Variants in SMAP2 observed in about 807,000 individuals in gnomAD.
The protein encoded by SMAP2 is stromal membrane-associated protein 2.
A neutral mutation model predicts 56.4 loss-of-function variants in SMAP2; 25 were observed. That is an observed-to-expected ratio of 0.44 (90% confidence interval 0.32 to 0.62). The LOEUF is 0.62. Among genes scored for constraint, SMAP2 ranks in the 20% least tolerant of loss-of-function variants. SMAP2 has a pLI of 0.04. For synonymous variants in SMAP2, 157 were observed against 181.7 expected (o/e 0.86, Z 1.09); for missense variants, 388 against 545.6 (o/e 0.71, Z 2.88).
At chr1:40,416,417 C>A in intron 8 of SMAP2, 76 bp downstream of exon 8, 1 of 1,511,234 alleles carries the variant, frequency 6.6e-7, no homozygotes, top group Non-Finnish European at 9.0e-7. Context: ...TTTATTGTGA[C>A]AGAGGACAGT....
chr1:40,417,228 CTT>C (rs34036744), intron 9 of SMAP2, 132 bp downstream of exon 9: 25,495 of 416,516 alleles, frequency 0.061, no homozygotes, highest in Middle Eastern at 0.086. Context: ...GTTAGGTTTG[CTT>C]TTTTTTTTTT....
At chr1:40,406,983 A>G (rs1644891600) in intron 2 of SMAP2, 114 bp downstream of exon 2, 2 of 1,149,112 alleles carry the variant, frequency 1.7e-6, no homozygotes, top group African/African-American at 1.5e-5. Context: ...TTTAGTTGTT[A>G]AACACTTAAC....
intron 2 of SMAP2, among the ~76,000 whole-genome samples, chr1:40,407,662 TA>T (rs1644898279): frequency 1.3e-5 from 2 of 152,196 alleles, no homozygotes; most frequent in South Asian, 4.1e-4. Flanking sequence ...TCATTTCTGA[TA>T]TTTTTAGACA....
In SMAP2 at chr1:40,409,713, G is replaced by C. The variant is rs777424228; in HGVS notation, c.324-44G>C. On this transcript the variant is annotated intron_variant, in intron 3 of 9. Coordinates refer to ENST00000372718, the MANE Select transcript of SMAP2 (RefSeq NM_022733.3). ...ACAATTGATCTTTTATCTTCTTGCT[G>C]TTTGAGAGGCTTGTTGGATTCATCC... 7 of 1,311,116 alleles carry C rather than the reference G, an allele frequency of 5.3e-6. No individual in the cohort carries two copies. In the African/African-American group the frequency reaches 8.7e-5, roughly 16 times the overall value. The allele number at this position is 1,311,116 out of a possible 1,614,324, so 81.2% of individuals were successfully genotyped here. A position where few individuals can be genotyped will look rare whatever the true frequency, so the allele number is the denominator to read the frequency against.
intron 1 of SMAP2, among the ~76,000 whole-genome samples, chr1:40,348,382 T>C (rs1396840683): frequency 6.6e-6 from 1 of 152,138 alleles, no homozygotes; most frequent in African/African-American, 2.4e-5. Context: ...TTAAAAGTCT[T>C]TGCCAACATG....
At chr1:40,359,651 T>C (rs1644451127) in intron 1 of SMAP2, among the ~76,000 whole-genome samples, 1 of 152,216 alleles carries the variant, frequency 6.6e-6, no homozygotes, top group South Asian at 2.1e-4. Flanking sequence ...GTGGTACACT[T>C]TACTTTTTTG....
intron 1 of SMAP2, among the ~76,000 whole-genome samples, chr1:40,401,466 G>A (rs957175835): frequency 6.6e-6 from 1 of 152,110 alleles, no homozygotes; most frequent in African/African-American, 2.4e-5. Flanking sequence ...AATATAGGTA[G>A]CCATCAATTT....
At chr1:40,391,729 C>T (rs1311785406) in intron 1 of SMAP2, among the ~76,000 whole-genome samples, 1 of 152,166 alleles carries the variant, frequency 6.6e-6, no homozygotes, top group Non-Finnish European at 1.5e-5. Context: ...GTAGCTTCTT[C>T]TAAACATAGG....
intron 1 of SMAP2, among the ~76,000 whole-genome samples, chr1:40,348,153 AAAAT>A (rs928864037): frequency 6.6e-6 from 1 of 152,152 alleles, no homozygotes; most frequent in African/African-American, 2.4e-5. Flanking sequence ...ATAATTTTTT[AAAAT>A]AAATAAAACA....
upstream of SMAP2, among the ~76,000 whole-genome samples, chr1:40,371,688 A>G (rs545882092): frequency 1.3e-5 from 2 of 152,336 alleles, no homozygotes; most frequent in African/African-American, 4.8e-5. Flanking sequence ...GTCTTTCCCA[A>G]TCACTTGAAG....
At chr1:40,352,955 G>A (rs543642820) in intron 1 of SMAP2, among the ~76,000 whole-genome samples, 2 of 152,202 alleles carry the variant, frequency 1.3e-5, no homozygotes, top group African/African-American at 4.8e-5. Flanking sequence ...GAATCTGAAA[G>A]TTCTAAGACT....
intron 1 of SMAP2, among the ~76,000 whole-genome samples, chr1:40,358,332 C>T (rs1055440253): frequency 6.6e-6 from 1 of 151,644 alleles, no homozygotes; most frequent in African/African-American, 2.4e-5. Context: ...TACTTGAGGT[C>T]AGGAGATCGA....
At chr1:40,388,134 C>G (rs1644678656) in intron 1 of SMAP2, among the ~76,000 whole-genome samples, 1 of 152,160 alleles carries the variant, frequency 6.6e-6, no homozygotes, top group Non-Finnish European at 1.5e-5. Flanking sequence ...TGAGCCTCCC[C>G]CCACCTCTGT....
chr1:40,374,650 G>A lies in SMAP2; in HGVS notation c.103+427G>A, dbSNP rs199497983. ...GAGAGAGAGAGAGAGAGAATGACGAGGAGGAGGAGGAGGGAAGTGAGATGG... is the reference window on the plus strand; with the variant it reads ...GAGAGAGAGAGAGAGAGAATGACGAAGAGGAGGAGGAGGGAAGTGAGATGG... On this transcript the variant is annotated intron_variant, in intron 1 of 9. Coordinates refer to ENST00000372718, the MANE Select transcript of SMAP2 (RefSeq NM_022733.3). The surrounding 1 kb of genome is among the most constrained non-coding windows in gnomAD (Gnocchi z 5.9). 6 of 1,413,740 alleles carry A rather than the reference G, an allele frequency of 4.2e-6. No homozygotes were observed. Among genetic ancestry groups the A allele is most frequent in the Non-Finnish European group, 5.7e-6 (6 of 1,047,464 alleles). 87.6% of individuals were successfully genotyped at this position (1,413,740 alleles called of 1,614,324 possible). A position where few individuals can be genotyped will look rare whatever the true frequency, so the allele number is the denominator to read the frequency against.
At chr1:40,379,555 C>CTTTTTTTTTTTTTTTTTTTTTTTTT (rs35398664) in intron 1 of SMAP2, among the ~76,000 whole-genome samples, 2 of 78,112 alleles carry the variant, frequency 2.6e-5, no homozygotes, top group African/African-American at 4.8e-5. Flanking sequence ...TGTTGTCTCT[C>CTTTTTTTTTTTTTTTTTTTTTTTTT]TTTTTTTTTT....
In SMAP2 at chr1:40,412,909, GAATC is replaced by G; in HGVS notation, c.403-103_403-100del. On this transcript the variant is annotated intron_variant, in intron 4 of 9. Coordinates refer to ENST00000372718, the MANE Select transcript of SMAP2 (RefSeq NM_022733.3). Reference sequence around the variant, plus strand: ...CCAAGCTTGTCAGACACTTACGTCAGAATCAATAGGGATTGGAGGTGTCCTTTTC... The same window carrying G: ...CCAAGCTTGTCAGACACTTACGTCAGAATAGGGATTGGAGGTGTCCTTTTC... 3 of 795,208 alleles carry G rather than the reference GAATC, an allele frequency of 3.8e-6. No homozygotes were observed. In the Admixed American group the frequency reaches 8.6e-5, roughly 23 times the overall value. 49.3% of individuals were successfully genotyped at this position (795,208 alleles called of 1,614,324 possible).
chr1:40,396,546 G>A (rs1392797856), intron 1 of SMAP2, among the ~76,000 whole-genome samples: 2 of 152,232 alleles, frequency 1.3e-5, no homozygotes, highest in East Asian at 3.9e-4. Flanking sequence ...TACAAATGTG[G>A]ACAGTGTTTC....
chr1:40,396,760 G>A (rs1569879608), intron 1 of SMAP2: 2 of 773,098 alleles, frequency 2.6e-6, no homozygotes, highest in Admixed American at 1.3e-4. Context: ...TCTTTTGTGT[G>A]GATGAAAACA....
chr1:40,397,216 C>G (rs573612995), intron 1 of SMAP2, among the ~76,000 whole-genome samples: 7 of 152,186 alleles, frequency 4.6e-5, no homozygotes, highest in Non-Finnish European at 1.0e-4. Flanking sequence ...TGCAAATCAT[C>G]TACTGTAGTA....
Sources: allele counts gnomAD v4.1 joint callset (sites outside exome capture counted in the v4.1 genomes callset), GRCh38; gene constraint gnomAD v4.1.1; non-coding constraint Gnocchi (gnomAD v3.1); transcripts MANE v1.5; gene names NCBI Gene and HGNC (gene_info 2026-07-23, HGNC 2026-07-21).